Variants in TOP6BL observed in about 807,000 individuals in gnomAD.
The protein encoded by TOP6BL is type 2 DNA topoisomerase 6 subunit B-like.
chr11:66,800,430 A>C, the TOP6BL span, among the ~76,000 whole-genome samples: 1 of 152,202 alleles, frequency 6.6e-6, no homozygotes, highest in South Asian at 2.1e-4. Flanking sequence ...ATAGATGTTA[A>C]TCTACTTGAT....
the TOP6BL span, among the ~76,000 whole-genome samples, chr11:66,753,966 A>G: frequency 1.3e-5 from 2 of 152,176 alleles, no homozygotes; most frequent in Non-Finnish European, 2.9e-5. Flanking sequence ...CAGCCTCCCA[A>G]AGTGCTGGGA....
chr11:66,842,819 G>C, the TOP6BL span: 2 of 1,528,490 alleles, frequency 1.3e-6, no homozygotes, highest in Non-Finnish European at 1.8e-6. Flanking sequence ...GGCCATGAAA[G>C]TAAGATGAAG....
the TOP6BL span, among the ~76,000 whole-genome samples, chr11:66,829,105 GC>G: frequency 6.6e-6 from 1 of 150,806 alleles, no homozygotes; most frequent in Non-Finnish European, 1.5e-5. Flanking sequence ...ATTAGCTGAG[GC>G]CGGGCATAGT....
chr11:66,786,266 G>C, the TOP6BL span, among the ~76,000 whole-genome samples: 77,339 of 151,588 alleles, frequency 0.51, 22,134 homozygotes, highest in African/African-American at 0.79. Context: ...CTACTGCACT[G>C]CAGCCTGGGT....
At chr11:66,766,777 A>C in the TOP6BL span, among the ~76,000 whole-genome samples, 1 of 152,226 alleles carries the variant, frequency 6.6e-6, no homozygotes, top group African/African-American at 2.4e-5. Flanking sequence ...CATGTCTCCT[A>C]AACTCCAATG....
the TOP6BL span, among the ~76,000 whole-genome samples, chr11:66,806,292 G>A: frequency 1.3e-5 from 2 of 152,282 alleles, no homozygotes; most frequent in South Asian, 2.1e-4. Context: ...TTATCTCATA[G>A]GTTTAGTTTC....
At chr11:66,755,021 T>C in the TOP6BL span, among the ~76,000 whole-genome samples, 1 of 152,178 alleles carries the variant, frequency 6.6e-6, no homozygotes, top group Non-Finnish European at 1.5e-5. Context: ...TTTTATTATA[T>C]AAATCAGGTT....
At chr11:66,745,063 G>A in the TOP6BL span, 2 of 849,340 alleles carry the variant, frequency 2.4e-6, no homozygotes, top group Non-Finnish European at 3.1e-6. Flanking sequence ...TCTCCCACGG[G>A]GAAGCGAGGA....
At chr11:66,838,300 A>G in the TOP6BL span, 1 of 1,414,528 alleles carries the variant, frequency 7.1e-7, no homozygotes. Context: ...CACCAGGCAC[A>G]CTCCTGTTTC....
the TOP6BL span, among the ~76,000 whole-genome samples, chr11:66,763,265 T>C: frequency 6.6e-6 from 1 of 152,304 alleles, no homozygotes; most frequent in East Asian, 1.9e-4. Flanking sequence ...TGTATTCCCC[T>C]TTTCCTTTGT....
chr11:66,746,149 T>A, the TOP6BL span, among the ~76,000 whole-genome samples: 2 of 152,158 alleles, frequency 1.3e-5, no homozygotes, highest in South Asian at 4.1e-4. Flanking sequence ...GAAGGAATAG[T>A]TAGACTCTAC....
chr11:66,822,559 C>T, the TOP6BL span: 14 of 1,536,592 alleles, frequency 9.1e-6, no homozygotes, highest in African/African-American at 1.4e-5. Flanking sequence ...TGTTATGTTC[C>T]CCAGGCTCAG....
chr11:66,843,403 AC>A, the TOP6BL span: 6 of 1,425,418 alleles, frequency 4.2e-6, no homozygotes, highest in Non-Finnish European at 5.5e-6. Context: ...GCCTGACGTC[AC>A]CCACACCTCC....
chr11:66,793,177 C>A, the TOP6BL span, among the ~76,000 whole-genome samples: 2 of 151,558 alleles, frequency 1.3e-5, no homozygotes, highest in Admixed American at 1.3e-4. Flanking sequence ...AACCTCCATT[C>A]CAGGTTCAAG....
chr11:66,752,409 G>A, the TOP6BL span, among the ~76,000 whole-genome samples: 1 of 152,042 alleles, frequency 6.6e-6, no homozygotes, highest in Non-Finnish European at 1.5e-5. Flanking sequence ...TGATTACTCT[G>A]TATGTGACCT....
the TOP6BL span, chr11:66,822,560 C>T: frequency 1.1e-5 from 17 of 1,537,964 alleles, no homozygotes; most frequent in East Asian, 2.4e-5. Flanking sequence ...GTTATGTTCC[C>T]CAGGCTCAGC....
the TOP6BL span, among the ~76,000 whole-genome samples, chr11:66,746,927 T>G: frequency 2.0e-5 from 3 of 151,768 alleles, no homozygotes; most frequent in African/African-American, 7.3e-5. Flanking sequence ...TCAATTTGTC[T>G]CGAATAAATG....
chr11:66,800,574 G>T, the TOP6BL span: 2 of 1,241,466 alleles, frequency 1.6e-6, no homozygotes, highest in East Asian at 2.5e-5. Flanking sequence ...TTAGGGATTA[G>T]ATATGGAAGT....
chr11:66,822,534 A>C, the TOP6BL span: 1 of 1,367,600 alleles, frequency 7.3e-7, no homozygotes, highest in African/African-American at 1.4e-5. Flanking sequence ...GGATTCATGC[A>C]GTCTCCCCCT....
Sources: allele counts gnomAD v4.1 joint callset (sites outside exome capture counted in the v4.1 genomes callset), GRCh38; gene constraint gnomAD v4.1.1; transcripts MANE v1.5; gene names NCBI Gene and HGNC (gene_info 2026-07-23, HGNC 2026-07-21).